Variants in DGKZ observed in about 807,000 individuals in gnomAD.
The protein encoded by DGKZ is diacylglycerol kinase zeta, also known as DAG kinase zeta.
Under a neutral mutation model 142.5 loss-of-function variants are expected in DGKZ, and 45 were observed. The observed-to-expected ratio is 0.32, with a 90% confidence interval of 0.25 to 0.40. The LOEUF is 0.40. DGKZ is among the 10% of genes least tolerant of loss of function. The pLI is 1.00. For synonymous variants in DGKZ, 442 were observed against 527.0 expected (o/e 0.84, Z 2.21); for missense variants, 755 against 1,306.5 (o/e 0.58, Z 6.51).
chr11:46,376,157 G>A lies in DGKZ; in HGVS notation c.2091+12G>A. Reference sequence around the variant, plus strand: ...AGAGACTCCAGCAGGTAAGGGGTGGGGGCTTCCCCAGGTGCCCACCGAGAG... The same window carrying A: ...AGAGACTCCAGCAGGTAAGGGGTGGAGGCTTCCCCAGGTGCCCACCGAGAG... On this transcript the variant is annotated intron_variant, in intron 22 of 30. Transcript: ENST00000527911. 1 of 1,607,450 alleles carries A rather than the reference G, an allele frequency of 6.2e-7. No homozygotes were observed.
At chr11:46,358,185 C>T (rs935679504) in intron 1 of DGKZ, among the ~76,000 whole-genome samples, 3 of 152,148 alleles carry the variant, frequency 2.0e-5, no homozygotes, top group South Asian at 4.1e-4. Context: ...AGCCCCTCAA[C>T]GCGAATCTAG....
intron 1 of DGKZ, among the ~76,000 whole-genome samples, chr11:46,353,974 A>C (rs1941707613): frequency 6.6e-6 from 1 of 152,144 alleles, no homozygotes; most frequent in Admixed American, 6.5e-5. Flanking sequence ...TTACAGAGAG[A>C]GGCGGGGGCG....
chr11:46,343,318 A>T (rs1940368882), upstream of DGKZ, among the ~76,000 whole-genome samples: 1 of 152,188 alleles, frequency 6.6e-6, no homozygotes, highest in Non-Finnish European at 1.5e-5. Flanking sequence ...TTATTAAACA[A>T]ATATTTACTG....
At chr11:46,342,997 G>T (rs932100085), upstream of DGKZ, among the ~76,000 whole-genome samples, 1 of 152,082 alleles carries the variant, frequency 6.6e-6, no homozygotes. Flanking sequence ...GGTAGCGCAC[G>T]CCTGTGATCC....
At chr11:46,348,565 G>A (rs542406757) in intron 1 of DGKZ, among the ~76,000 whole-genome samples, 21 of 152,208 alleles carry the variant, frequency 1.4e-4, no homozygotes, top group Admixed American at 5.2e-4. Context: ...TCTGCTGGCT[G>A]TTCAAGCTTC....
At chr11:46,378,349 C>T in intron 26 of DGKZ, 108 bp from the exon 27 acceptor site, 4 of 1,539,762 alleles carry the variant, frequency 2.6e-6, no homozygotes, top group Non-Finnish European at 3.5e-6. Context: ...CTTCACGCAC[C>T]AACGGAGCCC....
intron 1 of DGKZ, among the ~76,000 whole-genome samples, chr11:46,357,584 T>C (rs557236630): frequency 6.6e-6 from 1 of 152,376 alleles, no homozygotes; most frequent in South Asian, 2.1e-4. Flanking sequence ...GAATTCCCTG[T>C]TCTTTCCTCC....
At chr11:46,361,416 TG>T in intron 1 of DGKZ, 1 of 158,440 alleles carries the variant, frequency 6.3e-6, no homozygotes, top group Non-Finnish European at 1.4e-5. Flanking sequence ...GAAAAGGAGC[TG>T]GGAGGCACGC....
At chr11:46,340,274 G>A (rs1027518200) in intron 1 of DGKZ, among the ~76,000 whole-genome samples, 2 of 152,194 alleles carry the variant, frequency 1.3e-5, no homozygotes, top group African/African-American at 4.8e-5. Context: ...GTAGTAAGGG[G>A]GCTGAAAGGT....
upstream of DGKZ, among the ~76,000 whole-genome samples, chr11:46,344,929 T>C (rs1446511058): frequency 6.6e-6 from 1 of 152,168 alleles, no homozygotes; most frequent in African/African-American, 2.4e-5. Flanking sequence ...ACAGGACACA[T>C]GCTCATGTCT....
intron 1 of DGKZ, among the ~76,000 whole-genome samples, chr11:46,342,456 A>G (rs1380220740): frequency 6.6e-6 from 1 of 152,196 alleles, no homozygotes; most frequent in African/African-American, 2.4e-5. Context: ...GATGGAAAAC[A>G]AGCCCAGCCC....
rs368732854 is a variant in DGKZ at position 46,350,194 on chromosome 11, C to T, written c.161+2374C>T. On this transcript the variant is annotated intron_variant, in intron 1 of 30. Transcript: ENST00000527911. ...TCAGGCAGAGAGCAGCAAGGGAAAG[C>T]ACTTTCTCCTGGCAGGCCTGGGAGC... Among the ~76,000 whole-genome samples the T allele has an allele frequency of 2.0e-4, 30 of 152,288 alleles. No homozygotes were observed. In the South Asian group the frequency reaches 2.1e-3, roughly 11 times the overall value.
At chr11:46,364,171 C>T (rs958343705) in intron 1 of DGKZ, among the ~76,000 whole-genome samples, 3 of 152,240 alleles carry the variant, frequency 2.0e-5, no homozygotes, top group African/African-American at 2.4e-5. Flanking sequence ...ATTTCTGGGA[C>T]GCAGGCTTTG....
chr11:46,345,369 C>G, upstream of DGKZ: 2 of 1,401,232 alleles, frequency 1.4e-6, no homozygotes, highest in Non-Finnish European at 1.8e-6. The surrounding 1 kb of genome is among the most constrained non-coding windows in gnomAD (Gnocchi z 4.1). Flanking sequence ...ACCCCACCCC[C>G]GTCAGGAAGT....
exon 19 of DGKZ, chr11:46,375,023 T>C (rs755652040): frequency 1.2e-6 from 2 of 1,607,170 alleles, no homozygotes; most frequent in Non-Finnish European, 1.7e-6. Flanking sequence ...CTCGAGGTCA[T>C]TGGCTTCACC....
intron 1 of DGKZ, among the ~76,000 whole-genome samples, chr11:46,339,644 C>T (rs546053548): frequency 6.6e-6 from 1 of 152,328 alleles, no homozygotes; most frequent in South Asian, 2.1e-4. Context: ...CCCCAGTCCC[C>T]GCACCAAGGG....
At chr11:46,348,463 C>T (rs766913931) in intron 1 of DGKZ, among the ~76,000 whole-genome samples, 2 of 152,170 alleles carry the variant, frequency 1.3e-5, no homozygotes, top group African/African-American at 2.4e-5. Context: ...AGAGAGACCC[C>T]AGCCCATCCC....
chr11:46,368,309 T>C (rs1232827392), intron 4 of DGKZ: 4 of 605,190 alleles, frequency 6.6e-6, no homozygotes, highest in African/African-American at 1.8e-5. Flanking sequence ...AGTGGGTTCG[T>C]TGAATATCAC....
At chr11:46,345,395 G>A, upstream of DGKZ, 1 of 1,423,226 alleles carries the variant, frequency 7.0e-7, no homozygotes, top group Non-Finnish European at 9.1e-7. The surrounding 1 kb of genome is among the most constrained non-coding windows in gnomAD (Gnocchi z 4.1). Flanking sequence ...AAGAGGAAGA[G>A]AGTCGCCGGG....
Sources: gnomAD v4.1 joint callset for allele counts (sites outside exome capture counted in the v4.1 genomes callset) on GRCh38, gnomAD v4.1.1 for gene constraint, Gnocchi (gnomAD v3.1) non-coding constraint, MANE v1.5 for transcripts, NCBI Gene and HGNC (gene_info 2026-07-23, HGNC 2026-07-21) for gene names.